Variants in CADPS observed in about 807,000 individuals in gnomAD.
CADPS encodes calcium-dependent secretion activator 1.
A neutral mutation model predicts 167.3 loss-of-function variants in CADPS; 57 were observed. That is an observed-to-expected ratio of 0.34 (90% CI 0.28 to 0.42). The LOEUF is 0.42. CADPS is among the 20% of genes least tolerant of loss of function. The probability of loss-of-function intolerance (pLI) is 1.00; values close to 1 mark genes in which losing one functional copy is unlikely to be tolerated. For synonymous variants in CADPS, 676 were observed against 635.3 expected (o/e 1.06, Z -0.96); for missense variants, 1,414 against 1,738.1 (o/e 0.81, Z 3.32).
rs1328089455 is a variant in CADPS, at chr3:62,446,480, G to A, written c.3637-683C>T. On this transcript the variant is annotated intron_variant, in intron 26 of 29. Transcript: ENST00000383710. The surrounding 1 kb of genome is among the most constrained non-coding windows in gnomAD (Gnocchi z 4.9). ...GAAGTTTGGAGTCAGATCTCAGTTCGAATCCCAACTCTACCACTTACAAGC... is the reference window on the plus strand; with the variant it reads ...GAAGTTTGGAGTCAGATCTCAGTTCAAATCCCAACTCTACCACTTACAAGC... Among the ~76,000 whole-genome samples the A allele has an allele frequency of 2.0e-5, 3 of 152,214 alleles. 1 individual carries two copies. The highest frequency in any genetic ancestry group is 1.9e-4 in the East Asian group (1 of 5,170).
chr3:62,511,571 A>G (rs2067834124), intron 17 of CADPS, among the ~76,000 whole-genome samples: 1 of 152,180 alleles, frequency 6.6e-6, no homozygotes, highest in African/African-American at 2.4e-5. Context: ...ATCTGGCTTT[A>G]CATATTTGCA....
In CADPS at chr3:62,421,673, G is replaced by T. The variant is rs562472999; in HGVS notation, c.3777+16431C>A. Among the ~76,000 whole-genome samples the T allele has an allele frequency of 5.5e-4, 84 of 152,316 alleles. No homozygotes were observed. The highest frequency in any genetic ancestry group is 2.2e-3 in the Admixed American group (34 of 15,310). Reference sequence around the variant, plus strand: ...CCCCCTTTTCCCCCCAAAGGAGGGGGAAGGGGGGACTTTGCCCAAGCCAAG... The same window carrying T: ...CCCCCTTTTCCCCCCAAAGGAGGGGTAAGGGGGGACTTTGCCCAAGCCAAG... On this transcript the variant is annotated intron_variant, in intron 28 of 29. Coordinates refer to ENST00000383710, the MANE Select transcript of CADPS (RefSeq NM_003716.4). The surrounding 1 kb of genome is among the most constrained non-coding windows in gnomAD (Gnocchi z 4.7).
intron 11 of CADPS, among the ~76,000 whole-genome samples, chr3:62,548,139 G>A (rs376931015): frequency 2.0e-5 from 3 of 152,132 alleles, no homozygotes; most frequent in South Asian, 4.2e-4. Context: ...CTTTTCAAGA[G>A]GTTACGATAG....
intron 3 of CADPS, among the ~76,000 whole-genome samples, chr3:62,735,953 C>T (rs1228393181): frequency 1.3e-5 from 2 of 152,118 alleles, no homozygotes; most frequent in African/African-American, 4.8e-5. Flanking sequence ...ATACTATATC[C>T]AGCTATTATA....
intron 7 of CADPS, among the ~76,000 whole-genome samples, chr3:62,590,556 G>A (rs1034595031): frequency 7.2e-5 from 11 of 151,768 alleles, no homozygotes; most frequent in African/African-American, 1.7e-4. Flanking sequence ...TTTACTTTTC[G>A]TTTTATCTCC....
chr3:62,693,754 C>T (rs539284692), intron 3 of CADPS, among the ~76,000 whole-genome samples: 3 of 149,060 alleles, frequency 2.0e-5, no homozygotes, highest in African/African-American at 7.4e-5. Context: ...CACTGCACTA[C>T]AGCCTGGGTG....
intron 6 of CADPS, among the ~76,000 whole-genome samples, chr3:62,636,235 C>T (rs545536604): frequency 3.2e-4 from 48 of 152,290 alleles, no homozygotes; most frequent in African/African-American, 1.1e-3. Context: ...GATTTAGTAG[C>T]TCACCTACCA....
intron 1 of CADPS, among the ~76,000 whole-genome samples, chr3:62,799,373 C>T (rs114010069): frequency 3.9e-5 from 6 of 152,112 alleles, no homozygotes; most frequent in Non-Finnish European, 5.9e-5. Context: ...AGATTCAAAT[C>T]GGCTCTGTCA....
chr3:62,585,997 G>C (rs938012744), intron 7 of CADPS, among the ~76,000 whole-genome samples: 12 of 152,174 alleles, frequency 7.9e-5, no homozygotes, highest in African/African-American at 2.9e-4. Context: ...GTTTGATTTG[G>C]GTCTTCTGCA....
At chr3:62,870,353 A>C (rs928488904) in intron 1 of CADPS, among the ~76,000 whole-genome samples, 2 of 152,146 alleles carry the variant, frequency 1.3e-5, no homozygotes, top group Admixed American at 1.3e-4. Context: ...TGAGTAGACA[A>C]CTTTATTATT....
At chr3:62,627,525 T>A (rs993723269) in intron 6 of CADPS, among the ~76,000 whole-genome samples, 3 of 152,158 alleles carry the variant, frequency 2.0e-5, no homozygotes, top group Non-Finnish European at 4.4e-5. Flanking sequence ...ATCAACTATA[T>A]TGGTGTTGTA....
chr3:62,648,792 G>C (rs13094648), intron 5 of CADPS, among the ~76,000 whole-genome samples: 21,891 of 151,700 alleles, frequency 0.14, 1,776 homozygotes, highest in Middle Eastern at 0.24. Context: ...AGAGGCAGTA[G>C]GGAATAAATT....
intron 16 of CADPS, among the ~76,000 whole-genome samples, chr3:62,512,977 T>C (rs1159383550): frequency 6.6e-6 from 1 of 152,012 alleles, no homozygotes; most frequent in Non-Finnish European, 1.5e-5. Context: ...GCTGCACAAA[T>C]AGAAAATTAG....
intron 13 of CADPS, among the ~76,000 whole-genome samples, chr3:62,521,899 G>A (rs2070704868): frequency 6.6e-6 from 1 of 152,100 alleles, no homozygotes; most frequent in African/African-American, 2.4e-5. Flanking sequence ...CCATATCTAA[G>A]CTGGACTATG....
chr3:62,493,799 G>A, intron 18 of CADPS, 134 bp from the exon 19 acceptor site: 1 of 717,138 alleles, frequency 1.4e-6, no homozygotes, highest in Non-Finnish European at 2.4e-6. Flanking sequence ...TGGGAGAGGG[G>A]AGATGCTGGC....
chr3:62,873,482 G>A (rs1435062759), intron 1 of CADPS, among the ~76,000 whole-genome samples: 1 of 152,018 alleles, frequency 6.6e-6, no homozygotes, highest in Non-Finnish European at 1.5e-5. Flanking sequence ...ACAGAACGCT[G>A]ACTTTCTTCA....
intron 1 of CADPS, among the ~76,000 whole-genome samples, chr3:62,852,304 TC>T (rs1209953373): frequency 2.6e-5 from 4 of 152,150 alleles, no homozygotes; most frequent in African/African-American, 9.7e-5. Context: ...CCAGCTTTGT[TC>T]CGTTGCTGGT....
chr3:62,499,371 TA>T (rs1221818305), intron 17 of CADPS, 103 bp from the exon 18 acceptor site: 5 of 726,474 alleles, frequency 6.9e-6, no homozygotes, highest in Admixed American at 2.2e-5. Context: ...ATCAGTTTTT[TA>T]AAAAAAATTC....
At chr3:62,644,569 A>C (rs1241652958) in intron 6 of CADPS, among the ~76,000 whole-genome samples, 1 of 152,002 alleles carries the variant, frequency 6.6e-6, no homozygotes, top group African/African-American at 2.4e-5. Flanking sequence ...AGGCCTAACA[A>C]CTTCCTCATG....
Sources: gnomAD v4.1 joint callset for allele counts (sites outside exome capture counted in the v4.1 genomes callset) on GRCh38, gnomAD v4.1.1 for gene constraint, Gnocchi (gnomAD v3.1) non-coding constraint, MANE v1.5 for transcripts, NCBI Gene and HGNC (gene_info 2026-07-23, HGNC 2026-07-21) for gene names.